Variants in ADAM22 observed in about 807,000 individuals in gnomAD.
The protein encoded by ADAM22 is ADAM metallopeptidase domain 22.
A neutral mutation model predicts 144.6 loss-of-function variants in ADAM22; 65 were observed. The observed-to-expected ratio is 0.45, with a 90% confidence interval of 0.37 to 0.55. The LOEUF (loss-of-function observed/expected upper bound fraction) is 0.55, where lower values mean the gene tolerates loss of function less well. ADAM22 is among the 20% of genes least tolerant of loss of function. The pLI is 0.00. For synonymous variants in ADAM22, 391 were observed against 412.6 expected (o/e 0.95, Z 0.63); for missense variants, 974 against 1,184.9 (o/e 0.82, Z 2.61).
intron 29 of ADAM22, chr7:88,186,044 C>T (rs1848225393): frequency 6.5e-6 from 1 of 154,258 alleles, no homozygotes; most frequent in Admixed American, 6.5e-5. Flanking sequence ...GGGACCCTAT[C>T]TGCTCCTTGC....
chr7:88,176,414 G>A lies in ADAM22; in HGVS notation c.2301-2521G>A, dbSNP rs1043123560. Among the ~76,000 whole-genome samples the A allele has an allele frequency of 7.2e-5, 11 of 152,232 alleles. No homozygotes were observed. In the South Asian group the frequency reaches 1.0e-3, roughly 14 times the overall value. On this transcript the variant is annotated intron_variant, in intron 26 of 31. Coordinates refer to ENST00000413139, the MANE Select transcript of ADAM22 (RefSeq NM_001324418.2). ...AATCTGCTCAACCTAATGAAAACAAGGTGGTGCTCCAGAAGTACATTGAAC... is the reference window on the plus strand; with the variant it reads ...AATCTGCTCAACCTAATGAAAACAAAGTGGTGCTCCAGAAGTACATTGAAC...
At chr7:87,975,774 A>G (rs541660282) in intron 2 of ADAM22, among the ~76,000 whole-genome samples, 14 of 152,306 alleles carry the variant, frequency 9.2e-5, no homozygotes, top group East Asian at 7.7e-4. Flanking sequence ...TTTCACCACA[A>G]ATTTGCAACA....
At chr7:88,040,064 T>C (rs992884885) in intron 3 of ADAM22, among the ~76,000 whole-genome samples, 1 of 152,018 alleles carries the variant, frequency 6.6e-6, no homozygotes, top group African/African-American at 2.4e-5. Context: ...ACACCACCAG[T>C]TCCTATTGCA....
intron 2 of ADAM22, among the ~76,000 whole-genome samples, chr7:87,968,915 A>T (rs1038168256): frequency 1.3e-5 from 2 of 152,150 alleles, no homozygotes; most frequent in African/African-American, 4.8e-5. Context: ...GGAAGCTGGC[A>T]TGTCTTACAT....
At chr7:88,159,783 C>T (rs1171190011) in intron 22 of ADAM22, among the ~76,000 whole-genome samples, 1 of 152,056 alleles carries the variant, frequency 6.6e-6, no homozygotes, top group South Asian at 2.1e-4. Flanking sequence ...TATGACAAAC[C>T]CACAGCCAAC....
chr7:88,151,939 A>G (rs963575032), intron 20 of ADAM22, among the ~76,000 whole-genome samples: 1 of 152,196 alleles, frequency 6.6e-6, no homozygotes, highest in Non-Finnish European at 1.5e-5. Flanking sequence ...ATGTTGAGTA[A>G]TGTATTGTTT....
rs200955231 is a variant in ADAM22 at position 88,171,531 on chromosome 7, T to G, written c.2283-13T>G. 1.8e-5 allele frequency: 28 copies of G among 1,587,934 alleles called. No homozygotes were observed. The highest frequency in any genetic ancestry group is 2.4e-5 in the Non-Finnish European group (28 of 1,170,006). On this transcript the variant is annotated splice_polypyrimidine_tract_variant and intron_variant, in intron 25 of 31. Transcript: ENST00000413139. ...TTATGTTTTTCCCTCTTTCTCTTCT[T>G]GTCCATGAAAAGAAACTATCGAGAA...
At chr7:88,077,276 TA>T (rs1814845515) in intron 4 of ADAM22, among the ~76,000 whole-genome samples, 1 of 152,228 alleles carries the variant, frequency 6.6e-6, no homozygotes, top group South Asian at 2.1e-4. Context: ...GTTTTTCCAT[TA>T]CATATATATG....
At chr7:88,024,561 T>A (rs952286692) in intron 3 of ADAM22, among the ~76,000 whole-genome samples, 8 of 152,166 alleles carry the variant, frequency 5.3e-5, no homozygotes, top group East Asian at 1.9e-4. Context: ...TTCTTTTTTT[T>A]AAATTATACT....
Position 88,178,987 on chromosome 7 carries a change from T to A in ADAM22, c.2353T>A (p.Tyr785Asn), listed in dbSNP as rs754499954. 1 of 1,613,284 alleles carries A rather than the reference T, an allele frequency of 6.2e-7. No individual in the cohort carries two copies. Among genetic ancestry groups the A allele is most frequent in the Non-Finnish European group, 8.5e-7 (1 of 1,179,456 alleles). ...VKKPGDGDSF[Y>N]SDIPPGVSTN... is the part of the protein sequence containing the mutation. ...AAAGCCTGGAGATGGTGACTCTTTT[T>A]ATAGCGACATTCCTCCCGGAGTCAG... The change falls in exon 27 of 32, where the codon TAT (tyrosine) becomes AAT (asparagine). Residue 785 changes from tyrosine to asparagine, a missense_variant. By Grantham distance (143) the Tyr-to-Asn change is moderately radical (BLOSUM62 -2). This residue lies in a region of ADAM22 where 734 missense variants were observed against 950.6 expected (regional missense o/e 0.77). Coordinates refer to ENST00000413139, the MANE Select transcript of ADAM22 (RefSeq NM_001324418.2).
intron 2 of ADAM22, among the ~76,000 whole-genome samples, chr7:87,962,070 G>A (rs886992440): frequency 6.6e-6 from 1 of 152,164 alleles, no homozygotes; most frequent in Non-Finnish European, 1.5e-5. Flanking sequence ...AATGTCAGAT[G>A]AATATAATTA....
At chr7:88,062,928 T>C (rs1810281117) in intron 3 of ADAM22, among the ~76,000 whole-genome samples, 1 of 152,198 alleles carries the variant, frequency 6.6e-6, no homozygotes, top group African/African-American at 2.4e-5. Flanking sequence ...AAGCTCGCTC[T>C]CTTATATGGG....
chr7:88,010,036 T>G (rs1253861210), intron 3 of ADAM22, among the ~76,000 whole-genome samples: 1 of 152,214 alleles, frequency 6.6e-6, no homozygotes, highest in African/African-American at 2.4e-5. Context: ...TCTCTTTTTT[T>G]TTTTCAAATA....
At chr7:88,141,894 A>G (rs1390005599) in intron 14 of ADAM22, among the ~76,000 whole-genome samples, 1 of 152,194 alleles carries the variant, frequency 6.6e-6, no homozygotes, top group African/African-American at 2.4e-5. Flanking sequence ...CACGTAGCCA[A>G]TCATTTCCTC....
At chr7:87,999,685 T>G (rs1562989142) in intron 3 of ADAM22, among the ~76,000 whole-genome samples, 2 of 152,232 alleles carry the variant, frequency 1.3e-5, no homozygotes, top group African/African-American at 2.4e-5. Flanking sequence ...TTATCAGAAT[T>G]GATTTGGATT....
intron 3 of ADAM22, among the ~76,000 whole-genome samples, chr7:88,014,921 G>T (rs962047101): frequency 2.8e-4 from 43 of 152,314 alleles, no homozygotes; most frequent in African/African-American, 9.9e-4. Context: ...ATTCTGAGTA[G>T]ATCTGGTGGA....
intron 31 of ADAM22, among the ~76,000 whole-genome samples, chr7:88,195,796 C>A (rs1850568192): frequency 6.6e-6 from 1 of 151,644 alleles, no homozygotes; most frequent in Non-Finnish European, 1.5e-5. Context: ...GGATTACAGG[C>A]GTGAGCCACC....
At chr7:87,979,207 A>AGTCT (rs1169764669) in intron 3 of ADAM22, among the ~76,000 whole-genome samples, 1 of 152,198 alleles carries the variant, frequency 6.6e-6, no homozygotes, top group Admixed American at 6.5e-5. Context: ...AAATAGACTA[A>AGTCT]GAGTGAGAAT....
At chr7:88,131,733 A>G in intron 11 of ADAM22, 1 of 354,776 alleles carries the variant, frequency 2.8e-6, no homozygotes, top group Admixed American at 4.4e-5. Flanking sequence ...CTACAGATAA[A>G]TTATATTCTT....
Sources: allele counts gnomAD v4.1 joint callset (sites outside exome capture counted in the v4.1 genomes callset), GRCh38; gene constraint gnomAD v4.1.1; regional missense constraint gnomAD v4.1.1; transcripts MANE v1.5; gene names NCBI Gene and HGNC (gene_info 2026-07-23, HGNC 2026-07-21).